WTAP: variants seen among roughly 807,000 people sequenced by gnomAD.
WTAP encodes the protein pre-mRNA-splicing regulator WTAP.
In WTAP, 8 loss-of-function variants were observed where a neutral mutation model predicts 50.0. The ratio of observed to expected loss-of-function variants is 0.16; its 90% confidence interval spans 0.09 to 0.29. WTAP has a LOEUF of 0.29. Ranked by LOEUF, WTAP falls within the 10% of genes least tolerant of loss-of-function variation. The pLI, the probability that WTAP is intolerant of heterozygous loss-of-function variation, is 1.00. For missense variants in WTAP, 295 were observed against 470.7 expected, an observed-to-expected ratio of 0.63 and a Z score of 3.45; for synonymous variants, 194 against 169.0, an observed-to-expected ratio of 1.15 and a Z score of -1.15.
At chr6:159,741,146 G>A (rs375101026) in intron 3 of WTAP, among the ~76,000 whole-genome samples, 1 of 152,142 alleles carries the variant, frequency 6.6e-6, no homozygotes, top group Non-Finnish European at 1.5e-5. Flanking sequence ...TCAGGGCAGG[G>A]TGCTTTCCAT....
upstream of WTAP, chr6:159,726,856 G>A (rs549434975): frequency 2.0e-5 from 26 of 1,289,232 alleles, no homozygotes; most frequent in East Asian, 3.3e-4. Context: ...ACTTACAGGT[G>A]AGCTTCTGCT....
intron 6 of WTAP, among the ~76,000 whole-genome samples, chr6:159,752,062 C>CAAAA (rs60854821): frequency 2.1e-5 from 2 of 94,980 alleles, no homozygotes; most frequent in Non-Finnish European, 4.4e-5. Context: ...ACCCCCATCT[C>CAAAA]AAAAAAAAAA....
At chr6:159,739,616 A>G (rs1315695485) in intron 3 of WTAP, among the ~76,000 whole-genome samples, 2 of 152,174 alleles carry the variant, frequency 1.3e-5, no homozygotes, top group Non-Finnish European at 2.9e-5. Context: ...TGTAATTTAA[A>G]TATATTCTTT....
intron 4 of WTAP, 116 bp from the exon 5 acceptor site, chr6:159,743,549 T>TA (rs1428251997): frequency 1.0e-6 from 1 of 1,001,672 alleles, no homozygotes; most frequent in East Asian, 2.7e-5. Flanking sequence ...TAAAAGTAGT[T>TA]AGGATGGAAA....
intron 2 of WTAP, among the ~76,000 whole-genome samples, chr6:159,738,361 C>T (rs1779047117): frequency 1.3e-5 from 2 of 151,874 alleles, no homozygotes; most frequent in African/African-American, 4.8e-5. Context: ...TATTTTTTTT[C>T]CTTCCACTTA....
chr6:159,747,293 A>G (rs1260771658), intron 5 of WTAP, among the ~76,000 whole-genome samples: 4 of 152,200 alleles, frequency 2.6e-5, no homozygotes, highest in Non-Finnish European at 4.4e-5. Flanking sequence ...ATATGTAAGT[A>G]GAAGGGTTCT....
chr6:159,740,531 T>A (rs1779188610), intron 3 of WTAP, among the ~76,000 whole-genome samples: 1 of 152,186 alleles, frequency 6.6e-6, no homozygotes, highest in African/African-American at 2.4e-5. Flanking sequence ...AATAAATCGT[T>A]CTTTTATAGC....
chr6:159,756,041 T>C lies in WTAP; in HGVS notation c.*430T>C, dbSNP rs1181111614. Reference sequence around the variant, plus strand: ...CCATTCAGACTTGTTAGAGTAGATGTGGGTTTATGACTGCCAAGTTTGCCC... The same window carrying C: ...CCATTCAGACTTGTTAGAGTAGATGCGGGTTTATGACTGCCAAGTTTGCCC... On this transcript the variant is annotated 3_prime_UTR_variant, in exon 8 of 8. Coordinates refer to ENST00000621533, the MANE Select transcript of WTAP (RefSeq NM_001270531.2). 1 of 157,464 alleles carries C rather than the reference T, an allele frequency of 6.4e-6. No individual in the cohort carries two copies. The highest frequency in any genetic ancestry group is 1.4e-5 in the Non-Finnish European group (1 of 71,354). 9.8% of individuals were successfully genotyped at this position (157,464 alleles called of 1,614,324 possible). A position where few individuals can be genotyped will look rare whatever the true frequency, so the allele number is the denominator to read the frequency against.
Position 159,742,333 on chromosome 6 carries a change from G to C in WTAP, c.145+187G>C, listed in dbSNP as rs146013812. ...ATGAGACACAGTCTCAGTCATTGGA[G>C]AAGACAGAGGTGTAATAGTCATGTA... On this transcript the variant is annotated intron_variant, in intron 4 of 7. Transcript: ENST00000621533. Among the ~76,000 whole-genome samples, 12 of 152,318 alleles carry C rather than the reference G, an allele frequency of 7.9e-5. No homozygotes were observed. The East Asian group carries it at 2.3e-3, about 29-fold the overall frequency.
chr6:159,728,527 T>C (rs909332774), intron 1 of WTAP, among the ~76,000 whole-genome samples: 2 of 152,260 alleles, frequency 1.3e-5, no homozygotes, highest in Non-Finnish European at 2.9e-5. Context: ...TTTAGTTAAT[T>C]CCATTGCTTC....
chr6:159,726,804 A>G, upstream of WTAP: 3 of 1,289,216 alleles, frequency 2.3e-6, no homozygotes, highest in Non-Finnish European at 3.0e-6. Context: ...ACTGCGCCTC[A>G]CGACTGATGA....
rs547349093 is a variant in WTAP, at chr6:159,749,763, T to C, written c.452+1394T>C. Among the ~76,000 whole-genome samples the C allele has an allele frequency of 3.2e-3, 495 of 152,320 alleles. 3 individuals are homozygous for C. The highest frequency in any genetic ancestry group is 4.7e-3 in the Non-Finnish European group (317 of 68,018). On this transcript the variant is annotated intron_variant, in intron 6 of 7. Transcript: ENST00000621533. ...ACATTTTGTGAATTGAAAAAAGGTA[T>C]AGTGATCATTTCTAGCAAATTCATT...
chr6:159,746,366 A>G (rs903277937), intron 5 of WTAP, among the ~76,000 whole-genome samples: 1 of 152,180 alleles, frequency 6.6e-6, no homozygotes, highest in Admixed American at 6.5e-5. Context: ...AAAATAGTGG[A>G]AAGGTTTGTA....
chr6:159,753,651 C>A (rs556596485), intron 7 of WTAP, 37 bp downstream of exon 7: 5 of 1,571,296 alleles, frequency 3.2e-6, no homozygotes, highest in Non-Finnish European at 4.3e-6. Flanking sequence ...GTTGTCTCAA[C>A]TTTGCATTGG....
At chr6:159,728,412 A>C (rs1173925195) in intron 1 of WTAP, among the ~76,000 whole-genome samples, 1 of 138,504 alleles carries the variant, frequency 7.2e-6, no homozygotes, top group East Asian at 2.2e-4. Context: ...GTGATTATGT[A>C]AAAAAAACAA....
chr6:159,728,538 G>A (rs559056861), intron 1 of WTAP, among the ~76,000 whole-genome samples: 3 of 152,144 alleles, frequency 2.0e-5, no homozygotes, highest in African/African-American at 7.2e-5. Flanking sequence ...CCATTGCTTC[G>A]GAAGATAAGT....
intron 1 of WTAP, among the ~76,000 whole-genome samples, chr6:159,732,167 GA>G (rs571126927): frequency 2.1e-4 from 32 of 152,080 alleles, no homozygotes; most frequent in Admixed American, 1.6e-3. Flanking sequence ...GAGTTTGATT[GA>G]AAAAAATCCA....
In WTAP at chr6:159,755,020, T is replaced by C; in HGVS notation, c.608-8T>C. 6.2e-7 allele frequency: 1 copy of C among 1,600,852 alleles called. No homozygotes were observed. Among genetic ancestry groups the C allele is most frequent in the South Asian group, 1.1e-5 (1 of 89,512 alleles). The stretch of plus-strand genomic sequence containing the variant: ...ATATTAAAGTTGGTCTGACTCTCCT[T>C]TGCACAGAACTGAATGACTTCATCA... On this transcript the variant is annotated splice_region_variant and splice_polypyrimidine_tract_variant and intron_variant, in intron 7 of 7. Coordinates refer to ENST00000621533, the MANE Select transcript of WTAP (RefSeq NM_001270531.2).
intron 7 of WTAP, among the ~76,000 whole-genome samples, chr6:159,754,071 A>G (rs116463446): frequency 0.015 from 2,279 of 152,350 alleles, 57 homozygotes; most frequent in African/African-American, 0.052. Context: ...ATTTGCTGAG[A>G]TAAAACTTGT....
Sources: gnomAD v4.1 joint callset for allele counts (sites outside exome capture counted in the v4.1 genomes callset) on GRCh38, gnomAD v4.1.1 for gene constraint, MANE v1.5 for transcripts, NCBI Gene and HGNC (gene_info 2026-07-23, HGNC 2026-07-21) for gene names.